The following SYPL1 variants were observed in gnomAD, a reference collection of about 807,000 sequenced individuals.
SYPL1 encodes synaptophysin-like protein 1.
In SYPL1, 6 loss-of-function variants were observed where a neutral mutation model predicts 23.7. The observed-to-expected ratio is 0.25, with a 90% CI of 0.14 to 0.50. The LOEUF (loss-of-function observed/expected upper bound fraction) is 0.50, where lower values mean the gene tolerates loss of function less well. SYPL1 is among the 20% of genes least tolerant of loss of function. The pLI, the probability that SYPL1 is intolerant of heterozygous loss-of-function variation, is 0.98. For synonymous variants in SYPL1, 102 were observed against 104.5 expected (o/e 0.98, Z 0.15); for missense variants, 253 against 288.9 (o/e 0.88, Z 0.90).
intron 1 of SYPL1, among the ~76,000 whole-genome samples, chr7:106,110,578 A>T (rs1355771192): frequency 6.6e-6 from 1 of 152,258 alleles, no homozygotes; most frequent in Non-Finnish European, 1.5e-5. Context: ...TATTTACCAC[A>T]CCATTAACAA....
At position 106,099,385 on chromosome 7, in the gene SYPL1, T is replaced by C. The variant is rs546551778; in HGVS notation, c.70-103A>G. 3.5e-4 allele frequency: 466 copies of C among 1,336,152 alleles called. 6 individuals carry two copies. The South Asian group carries it at 6.7e-3, about 19-fold the overall frequency. The allele number at this position is 1,336,152 out of a possible 1,614,324, so 82.8% of individuals were successfully genotyped here. A position where few individuals can be genotyped will look rare whatever the true frequency, so the allele number is the denominator to read the frequency against. ...CTGTAAGCACACTGATTATTAAAAATTGGCTAACATTCTAGAAATTCTTTT... is the reference window on the plus strand; with the variant it reads ...CTGTAAGCACACTGATTATTAAAAACTGGCTAACATTCTAGAAATTCTTTT... On this transcript the variant is annotated intron_variant, in intron 1 of 4. Transcript: ENST00000455385.
At position 106,112,111 on chromosome 7, in the gene SYPL1, C is replaced by A. The variant is rs368282084; in HGVS notation, c.69+29G>T. Reference sequence around the variant, plus strand: ...CTAGGGCGCCGCGCCGAGCGGCAGGCGGGCCTGGCCGGCGCGGGCTGCACT... The same window carrying A: ...CTAGGGCGCCGCGCCGAGCGGCAGGAGGGCCTGGCCGGCGCGGGCTGCACT... On this transcript the variant is annotated intron_variant, in intron 1 of 4. Transcript: ENST00000455385. The A allele has an allele frequency of 2.8e-6, 4 of 1,414,958 alleles. No homozygotes were observed. The African/African-American group carries it at 5.9e-5, about 21-fold the overall frequency. 87.7% of individuals were successfully genotyped at this position (1,414,958 alleles called of 1,614,324 possible).
Position 106,093,731 on chromosome 7 carries a change from T to C in SYPL1, c.403-594A>G, listed in dbSNP as rs575820212. ...TCCTTCTTCTGCAAAACTCTAACTT[T>C]AGTTAAACCAAATTCTCCATGAGAT... On this transcript the variant is annotated intron_variant, in intron 3 of 4. Transcript: ENST00000455385. 1.6e-5 allele frequency among the ~76,000 whole-genome samples: 2 copies of C among 127,314 alleles called. 1 individual carries two copies. The highest frequency in any genetic ancestry group is 5.6e-4 in the East Asian group (2 of 3,602). 83.5% of individuals were successfully genotyped at this position (127,314 alleles called of 152,430 possible).
chr7:106,101,464 C>G (rs71564760), intron 1 of SYPL1, among the ~76,000 whole-genome samples: 1 of 93,966 alleles, frequency 1.1e-5, no homozygotes, highest in Non-Finnish European at 2.1e-5. Flanking sequence ...CCCCCCCCCC[C>G]CCCACAAAAA....
At chr7:106,098,397 G>T (rs1177520384) in intron 2 of SYPL1, among the ~76,000 whole-genome samples, 1 of 152,176 alleles carries the variant, frequency 6.6e-6, no homozygotes, top group Admixed American at 6.5e-5. Context: ...TGTGAGAAGT[G>T]TCTAGGAGAA....
intron 3 of SYPL1, among the ~76,000 whole-genome samples, chr7:106,093,951 A>C (rs920928224): frequency 1.3e-5 from 2 of 152,268 alleles, no homozygotes; most frequent in Non-Finnish European, 2.9e-5. Flanking sequence ...ATATTTTAGA[A>C]TAAATGGTTC....
rs1585936063 is a variant in SYPL1, at chr7:106,096,152, G to A, written c.402+1538C>T. 6.6e-6 allele frequency: 1 copy of A among 152,090 alleles called. No homozygotes were observed. The highest frequency in any genetic ancestry group is 1.5e-5 in the Non-Finnish European group (1 of 67,998). The allele number at this position is 152,090 out of a possible 1,614,324, so 9.4% of individuals were successfully genotyped here. ...GATTCCTAACAAGTATGTTGGATAAGCACTGCAAATTAAAACAGTTGACGT... is the reference window on the plus strand; with the variant it reads ...GATTCCTAACAAGTATGTTGGATAAACACTGCAAATTAAAACAGTTGACGT... On this transcript the variant is annotated intron_variant, in intron 3 of 4. Coordinates refer to ENST00000455385, the MANE Select transcript of SYPL1 (RefSeq NM_182715.4). The surrounding 1 kb of genome is among the most constrained non-coding windows in gnomAD (Gnocchi z 4.4).
rs1491462088 is a variant in SYPL1 at position 106,091,339 on chromosome 7, AAT to A, written c.*464_*465del. The A allele has an allele frequency of 1.3e-5, 2 of 152,758 alleles. No homozygotes were observed. The highest frequency in any genetic ancestry group is 2.9e-5 in the Non-Finnish European group (2 of 68,132). 9.5% of individuals were successfully genotyped at this position (152,758 alleles called of 1,614,324 possible). A position where few individuals can be genotyped will look rare whatever the true frequency, so the allele number is the denominator to read the frequency against. ...AATGTTAGATATAAATTTTGAACTC[AAT>A]ATGTTTTTTCCTACATATTTATGTA... On this transcript the variant is annotated 3_prime_UTR_variant, in exon 5 of 5. Coordinates refer to ENST00000455385, the MANE Select transcript of SYPL1 (RefSeq NM_182715.4). The surrounding 1 kb of genome is among the most constrained non-coding windows in gnomAD (Gnocchi z 5.0).
Position 106,097,823 on chromosome 7 carries a change from A to C in SYPL1, c.269T>G (p.Ile90Arg), listed in dbSNP as rs755413292. ...CDVNWKDYVLIGDYSSSAQFY... is the reference protein window; with the variant it reads ...CDVNWKDYVLRGDYSSSAQFY... Reference sequence around the variant, plus strand: ...TTGTGCAGAAGAAGAGTAATCGCCTATGAGGACGTAATCTTTCCAATTTAC... The same window carrying C: ...TTGTGCAGAAGAAGAGTAATCGCCTCTGAGGACGTAATCTTTCCAATTTAC... Residue 90 changes from isoleucine (I) to arginine (R), a missense_variant, in exon 3 of 5, where the codon ATA (isoleucine) becomes AGA (arginine). Ile to Arg is a moderately conservative substitution (Grantham distance 97). Coordinates refer to ENST00000455385, the MANE Select transcript of SYPL1 (RefSeq NM_182715.4). The surrounding 1 kb of genome is among the most constrained non-coding windows in gnomAD (Gnocchi z 4.6). The C allele has an allele frequency of 4.3e-6, 7 of 1,613,998 alleles. No homozygotes were observed. The Admixed American group carries it at 1.2e-4, about 27-fold the overall frequency.
chr7:106,105,766 T>C (rs1395652543), intron 1 of SYPL1, among the ~76,000 whole-genome samples: 3 of 152,168 alleles, frequency 2.0e-5, no homozygotes, highest in Non-Finnish European at 2.9e-5. Flanking sequence ...CTGGGTATCC[T>C]GAAGGTAAGG....
chr7:106,099,255 A>G lies in SYPL1; in HGVS notation c.97T>C (p.Cys33Arg). Residue 33 changes from cysteine to arginine, a missense_variant, in exon 2 of 5, where the codon TGT becomes CGT. Coordinates refer to ENST00000455385, the MANE Select transcript of SYPL1 (RefSeq NM_182715.4). ...TCTGTTTGGCCCTTAAAACCTCCAC[A>G]GGTGGCAAAAGCAAAGATAGAAGCA... The part of the protein sequence containing the change: ...WIASIFAFAT[C>R]GGFKGQTEIQ... 1.2e-6 allele frequency: 2 copies of G among 1,613,086 alleles called. No individual in the cohort carries two copies. Among genetic ancestry groups the G allele is most frequent in the Non-Finnish European group, 1.7e-6 (2 of 1,179,762 alleles).
At chr7:106,102,976 GA>G (rs1457550068) in intron 1 of SYPL1, among the ~76,000 whole-genome samples, 1 of 151,488 alleles carries the variant, frequency 6.6e-6, no homozygotes. Context: ...TTCAACTACA[GA>G]AAAAAAATCT....
chr7:106,093,321 G>A (rs1300834969), intron 3 of SYPL1, 184 bp from the exon 4 acceptor site: 2 of 532,490 alleles, frequency 3.8e-6, no homozygotes, highest in Non-Finnish European at 6.4e-6. Flanking sequence ...CAAGCACAGT[G>A]CCTGAGTTAC....
intron 1 of SYPL1, 50 bp downstream of exon 1, chr7:106,112,090 G>A (rs762104786): frequency 6.6e-6 from 9 of 1,363,648 alleles, no homozygotes; most frequent in Non-Finnish European, 7.7e-6. Flanking sequence ...CCCCGCCTAG[G>A]GCGCCGCGCC....
At chr7:106,093,221 A>T in intron 3 of SYPL1, 84 bp from the exon 4 acceptor site, 1 of 1,287,170 alleles carries the variant, frequency 7.8e-7, no homozygotes, top group Non-Finnish European at 1.1e-6. Flanking sequence ...AACTGAGATT[A>T]CATTCAACCT....
intron 1 of SYPL1, among the ~76,000 whole-genome samples, chr7:106,101,144 T>C (rs146771123): frequency 1.8e-3 from 279 of 152,162 alleles, no homozygotes; most frequent in African/African-American, 6.3e-3. Flanking sequence ...TACCCCGCAC[T>C]ACCTATTCCC....
chr7:106,101,290 A>T (rs1840297542), intron 1 of SYPL1, among the ~76,000 whole-genome samples: 1 of 152,198 alleles, frequency 6.6e-6, no homozygotes, highest in Non-Finnish European at 1.5e-5. Flanking sequence ...AGCAACTGGT[A>T]GTAGATAATA....
At chr7:106,108,831 A>C (rs1261778167) in intron 1 of SYPL1, among the ~76,000 whole-genome samples, 1 of 152,172 alleles carries the variant, frequency 6.6e-6, no homozygotes, top group Non-Finnish European at 1.5e-5. Context: ...TGGACCCCTG[A>C]AAGCTCCCAA....
chr7:106,112,360 G>A, upstream of SYPL1: 7 of 1,279,086 alleles, frequency 5.5e-6, no homozygotes, highest in Non-Finnish European at 5.9e-6. Context: ...GGCGGGGCGG[G>A]GCGGAGCGGC....
Sources: gnomAD v4.1 joint callset for allele counts (sites outside exome capture counted in the v4.1 genomes callset) on GRCh38, gnomAD v4.1.1 for gene constraint, Gnocchi (gnomAD v3.1) non-coding constraint, MANE v1.5 for transcripts, NCBI Gene and HGNC (gene_info 2026-07-23, HGNC 2026-07-21) for gene names.